Variants in CLSTN2 observed in about 807,000 individuals in gnomAD.
CLSTN2 encodes calsyntenin 2.
A neutral mutation model predicts 101.2 loss-of-function variants in CLSTN2; 48 were observed. That is an observed-to-expected ratio of 0.47 (90% CI 0.38 to 0.60). The LOEUF (loss-of-function observed/expected upper bound fraction) is 0.60. Ranked by LOEUF, CLSTN2 falls within the 20% of genes least tolerant of loss-of-function variation. The pLI is 0.00. For synonymous variants in CLSTN2, 481 were observed against 463.6 expected, an observed-to-expected ratio of 1.04 and a Z score of -0.48; for missense variants, 1,160 against 1,238.2, an observed-to-expected ratio of 0.94 and a Z score of 0.95.
intron 1 of CLSTN2, among the ~76,000 whole-genome samples, chr3:140,090,272 T>C (rs1246519225): frequency 6.6e-6 from 1 of 151,986 alleles, no homozygotes; most frequent in Non-Finnish European, 1.5e-5. Context: ...TTTATGGTCA[T>C]GCTGACCTTA....
chr3:140,336,403 G>T (rs2087439920), intron 2 of CLSTN2, among the ~76,000 whole-genome samples: 1 of 152,186 alleles, frequency 6.6e-6, no homozygotes, highest in Non-Finnish European at 1.5e-5. Flanking sequence ...AACAGAGAAG[G>T]AGATGAGGCT....
intron 2 of CLSTN2, among the ~76,000 whole-genome samples, chr3:140,333,271 T>C (rs1265909421): frequency 6.6e-6 from 1 of 152,200 alleles, no homozygotes; most frequent in African/African-American, 2.4e-5. Context: ...AGGACTTAAC[T>C]GAATCAGAGA....
At chr3:140,310,475 C>T (rs748501598) in intron 2 of CLSTN2, among the ~76,000 whole-genome samples, 10 of 152,250 alleles carry the variant, frequency 6.6e-5, no homozygotes, top group Non-Finnish European at 1.2e-4. Flanking sequence ...ACAACCCTTC[C>T]GCCCTCATTT....
intron 2 of CLSTN2, among the ~76,000 whole-genome samples, chr3:140,349,185 C>T (rs75117962): frequency 0.011 from 1,744 of 152,290 alleles, 28 homozygotes; most frequent in African/African-American, 0.038. Flanking sequence ...TGTTTACTTT[C>T]ACTTCCTCCA....
chr3:140,201,779 G>T (rs1342465602), intron 2 of CLSTN2, among the ~76,000 whole-genome samples: 1 of 151,680 alleles, frequency 6.6e-6, no homozygotes, highest in African/African-American at 2.4e-5. Context: ...AACAGACATA[G>T]CAAATTATAT....
intron 2 of CLSTN2, among the ~76,000 whole-genome samples, chr3:140,239,090 C>G (rs1419185391): frequency 1.3e-5 from 2 of 152,132 alleles, no homozygotes; most frequent in Admixed American, 6.6e-5. Context: ...AATCTTTGGC[C>G]ACATCTGGGT....
intron 2 of CLSTN2, among the ~76,000 whole-genome samples, chr3:140,353,861 C>A (rs1227453069): frequency 3.3e-5 from 5 of 152,072 alleles, no homozygotes; most frequent in Non-Finnish European, 5.9e-5. Flanking sequence ...TTCCTGGGTT[C>A]AACTAAACAG....
At chr3:140,427,620 A>G (rs958559851) in intron 5 of CLSTN2, among the ~76,000 whole-genome samples, 1 of 152,186 alleles carries the variant, frequency 6.6e-6, no homozygotes, top group South Asian at 2.1e-4. Flanking sequence ...ATCTCATTAC[A>G]CGTAGAGTCA....
At chr3:140,436,580 C>T (rs1317967949) in intron 5 of CLSTN2, among the ~76,000 whole-genome samples, 1 of 152,210 alleles carries the variant, frequency 6.6e-6, no homozygotes, top group African/African-American at 2.4e-5. Flanking sequence ...CCATGGATCC[C>T]AGCCAGTCTG....
chr3:140,549,953 C>T (rs1309190183), intron 10 of CLSTN2, among the ~76,000 whole-genome samples: 1 of 150,486 alleles, frequency 6.6e-6, no homozygotes, highest in Non-Finnish European at 1.5e-5. Flanking sequence ...GGTTTAGTGG[C>T]TGCTGTATTG....
intron 1 of CLSTN2, among the ~76,000 whole-genome samples, chr3:140,126,497 C>T (rs2009433493): frequency 6.6e-6 from 1 of 152,058 alleles, no homozygotes; most frequent in Non-Finnish European, 1.5e-5. Context: ...CTCTAGGTTT[C>T]CCTTAGAATG....
rs543799253 is a variant in CLSTN2, at chr3:140,004,508, C to A, written c.109+69025C>A. ...TCACAGGAGCAGCAGGGAGGATGAA[C>A]CTCTAAAAATATTTAAGCAGTCCTT... is the stretch of plus-strand genomic sequence containing the variant. On this transcript the variant is annotated intron_variant, in intron 1 of 16. Transcript: ENST00000458420. Among the ~76,000 whole-genome samples the A allele has an allele frequency of 2.0e-5, 3 of 152,286 alleles. No homozygotes were observed. In the South Asian group the frequency reaches 6.2e-4, roughly 32 times the overall value.
At chr3:140,504,819 G>A (rs575014604) in intron 8 of CLSTN2, among the ~76,000 whole-genome samples, 9 of 152,266 alleles carry the variant, frequency 5.9e-5, no homozygotes, top group East Asian at 1.9e-4. Flanking sequence ...TAGGAGGAAC[G>A]CTTTTGTGTT....
At chr3:140,144,765 C>A (rs180865524) in intron 1 of CLSTN2, among the ~76,000 whole-genome samples, 1 of 152,210 alleles carries the variant, frequency 6.6e-6, no homozygotes, top group Non-Finnish European at 1.5e-5. Flanking sequence ...CACCCCAGTC[C>A]GTGCCACCTG....
rs368946387 is a variant in CLSTN2, at chr3:140,159,279, A to G, written c.110-16672A>G. Among the ~76,000 whole-genome samples, 35 of 152,218 alleles carry G rather than the reference A, an allele frequency of 2.3e-4. 1 individual carries two copies. The South Asian group carries it at 6.6e-3, about 29-fold the overall frequency. The stretch of plus-strand genomic sequence containing the variant: ...GAAAATATTTGCAAACTATGCATCC[A>G]ACAAAGGCCTAATATCCAGAATCTA... On this transcript the variant is annotated intron_variant, in intron 1 of 16. Coordinates refer to ENST00000458420, the MANE Select transcript of CLSTN2 (RefSeq NM_022131.3).
chr3:140,514,886 C>T (rs1316804497), intron 8 of CLSTN2, among the ~76,000 whole-genome samples: 1 of 152,118 alleles, frequency 6.6e-6, no homozygotes, highest in East Asian at 1.9e-4. Flanking sequence ...ACACTAGCTT[C>T]ATAGAATGAT....
At chr3:140,156,357 T>C (rs1425356056) in intron 1 of CLSTN2, among the ~76,000 whole-genome samples, 1 of 152,250 alleles carries the variant, frequency 6.6e-6, no homozygotes, top group Admixed American at 6.5e-5. Context: ...TTCTTTTCCA[T>C]TTTATTGCTC....
At chr3:140,208,453 A>G (rs2010811897) in intron 2 of CLSTN2, among the ~76,000 whole-genome samples, 1 of 152,098 alleles carries the variant, frequency 6.6e-6, no homozygotes, top group Non-Finnish European at 1.5e-5. Context: ...TTTTTTGTTT[A>G]TTTTAGGCAA....
chr3:140,557,904 T>C (rs192135917), intron 11 of CLSTN2, among the ~76,000 whole-genome samples: 1 of 152,316 alleles, frequency 6.6e-6, no homozygotes, highest in Admixed American at 6.5e-5. Flanking sequence ...TGATGCAAGC[T>C]CTGGTCAGCT....
Sources: gnomAD v4.1 joint callset for allele counts (sites outside exome capture counted in the v4.1 genomes callset) on GRCh38, gnomAD v4.1.1 for gene constraint, MANE v1.5 for transcripts, NCBI Gene and HGNC (gene_info 2026-07-23, HGNC 2026-07-21) for gene names.